Variants in USP53 observed in about 807,000 individuals in gnomAD.
The protein encoded by USP53 is ubiquitin specific peptidase 53.
Under a neutral mutation model 94.9 loss-of-function variants are expected in USP53, and 71 were observed. The observed-to-expected ratio is 0.75, with a 90% CI of 0.62 to 0.91. The LOEUF (loss-of-function observed/expected upper bound fraction) is 0.91. USP53 is among the 40% of genes least tolerant of loss of function. USP53 has a pLI of 0.00. For synonymous variants in USP53, 375 were observed against 422.7 expected, an observed-to-expected ratio of 0.89 and a Z score of 1.39; for missense variants, 1,173 against 1,281.0, an observed-to-expected ratio of 0.92 and a Z score of 1.29.
intron 7 of USP53, 120 bp from the exon 8 acceptor site, chr4:119,256,126 C>T (rs1186872095): frequency 7.5e-6 from 5 of 668,144 alleles, no homozygotes; most frequent in African/African-American, 5.4e-5. Flanking sequence ...AGCTGAAAAG[C>T]TAACAATATG....
At position 119,256,320 on chromosome 4, in the gene USP53, T is replaced by G; in HGVS notation, c.447T>G (p.Cys149Trp). ...RDADMCTSKS[C>W]ITHQKFAMTL... ...CAGACATGTGTACCTCTAAATCTTG[T>G]ATCACTCACCAGAAGTTTGCTATGA... The change falls in exon 8 of 19, where the codon TGT becomes TGG. Residue 149 changes from cysteine to tryptophan, a missense_variant. Transcript: ENST00000692078. The G allele has an allele frequency of 6.2e-7, 1 of 1,614,042 alleles. No homozygotes were observed. Among genetic ancestry groups the G allele is most frequent in the Non-Finnish European group, 8.5e-7 (1 of 1,179,988 alleles).
intron 7 of USP53, among the ~76,000 whole-genome samples, chr4:119,251,549 C>T (rs1464924275): frequency 6.6e-6 from 1 of 152,200 alleles, no homozygotes; most frequent in African/African-American, 2.4e-5. Flanking sequence ...TATTTTTCTG[C>T]AACCTCTCCA....
chr4:119,279,972 G>A lies in USP53; in HGVS notation c.2251+6264G>A, dbSNP rs934659310. 8.5e-5 allele frequency among the ~76,000 whole-genome samples: 13 copies of A among 152,136 alleles called. No homozygotes were observed. The East Asian group carries it at 9.7e-4, about 11-fold the overall frequency. On this transcript the variant is annotated intron_variant, in intron 17 of 18. Transcript: ENST00000692078. ...CCCTGCTTTGGCTCGCACACGGTGC[G>A]CACACCCACTGGCCTGCGCCCACTG...
At chr4:119,227,490 C>A (rs955670362) in intron 3 of USP53, among the ~76,000 whole-genome samples, 3 of 152,052 alleles carry the variant, frequency 2.0e-5, no homozygotes, top group African/African-American at 7.2e-5. Context: ...ATTAGCCGGG[C>A]GTGGTGGCGG....
chr4:119,279,944 T>G (rs1753288357), intron 17 of USP53, among the ~76,000 whole-genome samples: 1 of 152,206 alleles, frequency 6.6e-6, no homozygotes, highest in South Asian at 2.1e-4. Context: ...AGGCAATGCC[T>G]CGCCCTGCTT....
At position 119,248,744 on chromosome 4, in the gene USP53, C is replaced by G; in HGVS notation, c.238-4C>G. 1 of 1,607,484 alleles carries G rather than the reference C, an allele frequency of 6.2e-7. No homozygotes were observed. Among genetic ancestry groups the G allele is most frequent in the South Asian group, 1.1e-5 (1 of 89,656 alleles). On this transcript the variant is annotated splice_region_variant and splice_polypyrimidine_tract_variant and intron_variant, in intron 6 of 18. Transcript: ENST00000692078. ...AACTTACTGATTTTCTTGTCGATTC[C>G]CAGACGATATTTGCACAGTTCCAAC...
rs1754908881 is a variant in USP53, at chr4:119,292,783, AC to A, written c.2796del (p.Ser933ValfsTer31). 6.2e-7 allele frequency: 1 copy of A among 1,613,932 alleles called. No individual in the cohort carries two copies. The highest frequency in any genetic ancestry group is 1.3e-5 in the African/African-American group (1 of 74,886). On this transcript the variant is annotated frameshift_variant, in exon 19 of 19. Coordinates refer to ENST00000692078, the MANE Select transcript of USP53 (RefSeq NM_001371395.1). LOFTEE classifies it low-confidence loss of function (END_TRUNC). Reference sequence around the variant, plus strand: ...TTTGCCACCAAAGAAATATGCTATAACCAGTGTGCCACAGTCAGAGAAAAGC... The same window carrying A: ...TTTGCCACCAAAGAAATATGCTATAACAGTGTGCCACAGTCAGAGAAAAGC... The part of the protein sequence containing the change: ...PPLPPKKYAI[T>X]SVPQSEKSES...
At chr4:119,272,243 C>T in intron 16 of USP53, 1 of 426,878 alleles carries the variant, frequency 2.3e-6, no homozygotes, top group African/African-American at 2.0e-5. Context: ...TTTTAGATTT[C>T]CATTTTGAAT....
intron 16 of USP53, 69 bp from the exon 17 acceptor site, chr4:119,273,563 G>GCT: frequency 3.3e-6 from 3 of 902,600 alleles, no homozygotes; most frequent in Non-Finnish European, 4.9e-6. Context: ...AACAAATGTT[G>GCT]TTTTTTTTTA....
chr4:119,273,555 C>T, intron 16 of USP53, 77 bp from the exon 17 acceptor site: 1 of 1,014,028 alleles, frequency 9.9e-7, no homozygotes, highest in Non-Finnish European at 1.4e-6. Flanking sequence ...AAATGTTTAA[C>T]AAATGTTGTT....
At chr4:119,272,663 A>T (rs1752022222) in intron 16 of USP53, 1 of 152,262 alleles carries the variant, frequency 6.6e-6, no homozygotes, top group Non-Finnish European at 1.5e-5. Context: ...TGGCCTCCCA[A>T]AGTGCTGGGA....
At chr4:119,249,660 ATTTTTTT>A (rs142005756) in intron 7 of USP53, among the ~76,000 whole-genome samples, 2 of 99,736 alleles carry the variant, frequency 2.0e-5, no homozygotes, top group East Asian at 2.7e-4. Flanking sequence ...TTTATGTCCT[ATTTTTTT>A]TTTTTTTTTT....
At chr4:119,234,375 A>G (rs1217069947) in intron 3 of USP53, among the ~76,000 whole-genome samples, 1 of 152,152 alleles carries the variant, frequency 6.6e-6, no homozygotes, top group African/African-American at 2.4e-5. Context: ...GCTTTTGTGT[A>G]ATCTATAGGG....
intron 3 of USP53, among the ~76,000 whole-genome samples, chr4:119,228,978 G>A (rs1745691069): frequency 2.0e-5 from 3 of 152,186 alleles, no homozygotes; most frequent in South Asian, 2.1e-4. Flanking sequence ...AAGGGAGGAA[G>A]GAGTTAATTA....
intron 18 of USP53, 72 bp downstream of exon 18, chr4:119,291,333 T>C (rs1007615727): frequency 1.0e-6 from 1 of 965,434 alleles, no homozygotes; most frequent in South Asian, 1.7e-5. Context: ...TAAATACATA[T>C]TATTACTTTG....
intron 17 of USP53, among the ~76,000 whole-genome samples, chr4:119,290,343 T>G (rs1442126322): frequency 6.6e-6 from 1 of 152,210 alleles, no homozygotes; most frequent in Non-Finnish European, 1.5e-5. Flanking sequence ...AAAAAACTAT[T>G]TGGTGCCTAT....
chr4:119,273,563 G>GTTTTTT, intron 16 of USP53, 69 bp from the exon 17 acceptor site: 2 of 902,592 alleles, frequency 2.2e-6, no homozygotes, highest in Non-Finnish European at 3.3e-6. Flanking sequence ...AACAAATGTT[G>GTTTTTT]TTTTTTTTTA....
At position 119,213,641 on chromosome 4, in the gene USP53, G is replaced by GATATATTAGATATATATAGATATAT. The variant is rs1553961986; in HGVS notation, c.-941-423_-941-422insTAGATATATATAGATATATATATAT. 8.4e-4 allele frequency among the ~76,000 whole-genome samples: 90 copies of GATATATTAGATATATATAGATATAT among 106,960 alleles called. 2 individuals are homozygous for GATATATTAGATATATATAGATATAT. The highest frequency in any genetic ancestry group is 4.8e-3 in the Middle Eastern group (1 of 210). The allele number at this position is 106,960 out of a possible 152,430, so 70.2% of individuals were successfully genotyped here. The stretch of plus-strand genomic sequence containing the variant: ...CCGAAAGTTTCCTTATCTGGAAATA[G>GATATATTAGATATATATAGATATAT]ATATATATATATATATATATGTGTG... On this transcript the variant is annotated intron_variant, in intron 1 of 18. Coordinates refer to ENST00000692078, the MANE Select transcript of USP53 (RefSeq NM_001371395.1).
intron 3 of USP53, among the ~76,000 whole-genome samples, chr4:119,230,748 C>G (rs1745952953): frequency 1.3e-5 from 2 of 152,158 alleles, no homozygotes; most frequent in African/African-American, 4.8e-5. Context: ...CAGCACACCT[C>G]CTATGGCCAA....
Sources: allele counts gnomAD v4.1 joint callset (sites outside exome capture counted in the v4.1 genomes callset), GRCh38; gene constraint gnomAD v4.1.1; transcripts MANE v1.5; gene names NCBI Gene and HGNC (gene_info 2026-07-23, HGNC 2026-07-21).